The following LRRC3C variants were observed in gnomAD, a reference collection of about 807,000 sequenced individuals.
LRRC3C encodes leucine-rich repeat-containing protein 3C.
Under a neutral mutation model 14.8 loss-of-function variants are expected in LRRC3C, and 11 were observed. That is an observed-to-expected ratio of 0.74 (90% confidence interval 0.47 to 1.23). LRRC3C has a LOEUF of 1.23. LRRC3C is among the 50% of genes most tolerant of loss of function. The pLI, the probability that LRRC3C is intolerant of heterozygous loss-of-function variation, is 0.00. For synonymous variants in LRRC3C, 149 were observed against 161.5 expected, an observed-to-expected ratio of 0.92 and a Z score of 0.59; for missense variants, 354 against 361.8, an observed-to-expected ratio of 0.98 and a Z score of 0.18.
intron 2 of LRRC3C, among the ~76,000 whole-genome samples, chr17:39,939,786 A>C (rs1200445367): frequency 2.0e-5 from 3 of 151,986 alleles, no homozygotes; most frequent in Non-Finnish European, 4.4e-5. Flanking sequence ...TCCCTCCTTC[A>C]CCGAGTTTGC....
chr17:39,932,867 C>A (rs980963171), intron 1 of LRRC3C, among the ~76,000 whole-genome samples: 2 of 151,914 alleles, frequency 1.3e-5, no homozygotes, highest in Admixed American at 6.6e-5. Context: ...GCCTGGCCAA[C>A]ATGGTGAAAC....
chr17:39,927,977 AT>A (rs938850416), intron 1 of LRRC3C, 163 bp downstream of exon 1: 3 of 635,310 alleles, frequency 4.7e-6, no homozygotes, highest in African/African-American at 4.0e-5. Context: ...CAACTGCAGG[AT>A]TTTTCCACTG....
intron 2 of LRRC3C, among the ~76,000 whole-genome samples, chr17:39,941,035 T>C (rs1978924073): frequency 6.7e-6 from 1 of 150,244 alleles, no homozygotes. Context: ...TGAGCCACCA[T>C]ACCTGGCAAG....
At chr17:39,940,081 G>A (rs778518535) in intron 2 of LRRC3C, among the ~76,000 whole-genome samples, 4 of 152,208 alleles carry the variant, frequency 2.6e-5, no homozygotes, top group South Asian at 2.1e-4. Flanking sequence ...CAGAGTGTCC[G>A]GCCCTCAGAG....
At chr17:39,932,525 A>AG (rs1437369169) in intron 1 of LRRC3C, among the ~76,000 whole-genome samples, 2 of 122,784 alleles carry the variant, frequency 1.6e-5, no homozygotes, top group Non-Finnish European at 3.4e-5. Flanking sequence ...CAACGTAATG[A>AG]GACCCCCCCC....
intron 2 of LRRC3C, among the ~76,000 whole-genome samples, chr17:39,937,692 G>A (rs546046149): frequency 1.3e-5 from 2 of 152,316 alleles, no homozygotes; most frequent in South Asian, 2.1e-4. Context: ...CAGATCAAAT[G>A]TCACTCCTTG....
At chr17:39,930,896 C>T (rs529542298) in intron 1 of LRRC3C, among the ~76,000 whole-genome samples, 40 of 151,798 alleles carry the variant, frequency 2.6e-4, no homozygotes, top group Middle Eastern at 3.4e-3. Flanking sequence ...AATCCCAGCA[C>T]TTTGGGAGGC....
Position 39,944,380 on chromosome 17 carries a change from CG to C in LRRC3C, c.475del (p.Ala159GlnfsTer17), listed in dbSNP as rs1568120665. 6.6e-7 allele frequency: 1 copy of C among 1,526,634 alleles called. No individual in the cohort carries two copies. Among genetic ancestry groups the C allele is most frequent in the Non-Finnish European group, 8.8e-7 (1 of 1,142,608 alleles). 94.6% of individuals were successfully genotyped at this position (1,526,634 alleles called of 1,614,324 possible). A position where few individuals can be genotyped will look rare whatever the true frequency, so the allele number is the denominator to read the frequency against. ...VGLQIQVNLS[A>X]NPWHCDCALQ... Reference sequence around the variant, plus strand: ...GGCTACAGATCCAAGTGAACCTATCCGCAAACCCATGGCACTGTGACTGCGC... The same window carrying C: ...GGCTACAGATCCAAGTGAACCTATCCCAAACCCATGGCACTGTGACTGCGC... On this transcript the variant is annotated frameshift_variant, in exon 4 of 4. Coordinates refer to ENST00000377924, the MANE Select transcript of LRRC3C (RefSeq NM_001195545.2). LOFTEE classifies it high-confidence loss of function.
intron 2 of LRRC3C, among the ~76,000 whole-genome samples, chr17:39,940,395 C>T (rs937180823): frequency 8.5e-5 from 13 of 152,062 alleles, no homozygotes; most frequent in Admixed American, 7.2e-4. Context: ...CTGCTGCTGT[C>T]GTCATCTTAA....
chr17:39,940,415 T>C (rs1346824086), intron 2 of LRRC3C, among the ~76,000 whole-genome samples: 2 of 152,120 alleles, frequency 1.3e-5, no homozygotes, highest in African/African-American at 4.8e-5. Flanking sequence ...AAATTCTTTT[T>C]TATTTTTATT....
rs1485555297 is a variant in LRRC3C at position 39,943,948 on chromosome 17, A to G, written c.42A>G (p.Pro14=). 1.3e-6 allele frequency: 2 copies of G among 1,536,102 alleles called. No individual in the cohort carries two copies. Among genetic ancestry groups the G allele is most frequent in the African/African-American group, 1.4e-5 (1 of 73,156 alleles). The part of the protein sequence containing the change: ...TSSSFVSYCT[P]GLCQFMAMLP... ...CCTTCCCCAGATCCTACTGCACTCC[A>G]GGACTATGCCAATTTATGGCCATGC... The change falls in exon 4 of 4, where the codon CCA becomes CCG. Residue 14 remains proline, a synonymous_variant. Coordinates refer to ENST00000377924, the MANE Select transcript of LRRC3C (RefSeq NM_001195545.2).
intron 2 of LRRC3C, among the ~76,000 whole-genome samples, chr17:39,940,815 C>T (rs914436816): frequency 6.6e-6 from 1 of 152,078 alleles, no homozygotes; most frequent in African/African-American, 2.4e-5. Context: ...GACCCAGGCT[C>T]GGTGAAACCT....
chr17:39,944,478 C>T lies in LRRC3C; in HGVS notation c.572C>T (p.Ala191Val), dbSNP rs571610543. The part of the protein sequence containing the change: ...TGTGIVCGSG[A>V]RPDLVGQEFL... The stretch of plus-strand genomic sequence containing the variant: ...ACAGGCATCGTGTGTGGCTCAGGAG[C>T]CCGACCGGACCTCGTGGGGCAGGAG... Residue 191 changes from alanine (A) to valine (V), a missense_variant, in exon 4 of 4, where the codon GCC becomes GTC. Physicochemically the swap from Ala to Val is moderately conservative, Grantham distance 64. Coordinates refer to ENST00000377924, the MANE Select transcript of LRRC3C (RefSeq NM_001195545.2). The T allele has an allele frequency of 4.2e-5, 62 of 1,486,426 alleles. No homozygotes were observed. The South Asian group carries it at 7.3e-4, about 18-fold the overall frequency. 92.1% of individuals were successfully genotyped at this position (1,486,426 alleles called of 1,614,324 possible).
chr17:39,943,804 G>A (rs980055682), intron 3 of LRRC3C, 129 bp from the exon 4 acceptor site: 1 of 806,616 alleles, frequency 1.2e-6, no homozygotes, highest in African/African-American at 1.7e-5. Flanking sequence ...CCAGGCTTGA[G>A]AGAAGCCCCC....
rs1181015722 is a variant in LRRC3C at position 39,944,866 on chromosome 17, C to G, written c.*132C>G. On this transcript the variant is annotated 3_prime_UTR_variant, in exon 4 of 4. Transcript: ENST00000377924. ...CCATCCCACCCCTCCCTCCTTTATT[C>G]CCCCTAAATACCTGTGCTGGTTCTC... 8.4e-6 allele frequency: 6 copies of G among 717,840 alleles called. No individual in the cohort carries two copies. Among genetic ancestry groups the G allele is most frequent in the Non-Finnish European group, 1.4e-5 (6 of 441,330 alleles). The allele number at this position is 717,840 out of a possible 1,614,324, so 44.5% of individuals were successfully genotyped here.
intron 2 of LRRC3C, among the ~76,000 whole-genome samples, chr17:39,939,019 GAAA>G (rs796607794): frequency 1.2e-5 from 1 of 80,066 alleles, no homozygotes. Context: ...CCATCTCAAA[GAAA>G]AAAAAAAAAA....
intron 1 of LRRC3C, among the ~76,000 whole-genome samples, chr17:39,931,376 G>A (rs1194220102): frequency 6.1e-5 from 9 of 147,070 alleles, no homozygotes; most frequent in African/African-American, 2.3e-4. Flanking sequence ...AAACTGGGAG[G>A]CAGAGGTTGC....
chr17:39,943,933 A>G lies in LRRC3C; in HGVS notation c.27A>G (p.Val9=), dbSNP rs1488248514. 3 of 1,535,768 alleles carry G rather than the reference A, an allele frequency of 2.0e-6. No individual in the cohort carries two copies. The highest frequency in any genetic ancestry group is 2.6e-6 in the Non-Finnish European group (3 of 1,146,812). ...CTTTATGTGGCCTTTCCTTCCCCAG[A>G]TCCTACTGCACTCCAGGACTATGCC... MRMTSSSF[V]SYCTPGLCQF... is the part of the protein sequence containing the mutation. The change falls in exon 4 of 4, where the codon GTA becomes GTG. Residue 9 remains valine, a splice_region_variant and synonymous_variant. Coordinates refer to ENST00000377924, the MANE Select transcript of LRRC3C (RefSeq NM_001195545.2).
At chr17:39,939,019 G>GA (rs796607794) in intron 2 of LRRC3C, among the ~76,000 whole-genome samples, 1,452 of 80,070 alleles carry the variant, frequency 0.018, 11 homozygotes, top group African/African-American at 0.042. Flanking sequence ...CCATCTCAAA[G>GA]AAAAAAAAAA....
Sources: gnomAD v4.1 joint callset for allele counts (sites outside exome capture counted in the v4.1 genomes callset) on GRCh38, gnomAD v4.1.1 for gene constraint, MANE v1.5 for transcripts, NCBI Gene and HGNC (gene_info 2026-07-23, HGNC 2026-07-21) for gene names.